RBM33: variants seen among roughly 807,000 people sequenced by gnomAD.
The protein encoded by RBM33 is RNA-binding protein 33.
In RBM33, 28 loss-of-function variants were observed where a neutral mutation model predicts 132.6. The ratio of observed to expected loss-of-function variants is 0.21; its 90% CI spans 0.16 to 0.29. RBM33 has a LOEUF of 0.29. Among genes scored for constraint, RBM33 ranks in the 10% least tolerant of loss-of-function variants. The pLI, the probability that RBM33 is intolerant of heterozygous loss-of-function variation, is 1.00. For missense variants in RBM33, 1,291 were observed against 1,518.5 expected (o/e 0.85, Z 2.49); for synonymous variants, 634 against 593.0 (o/e 1.07, Z -1.01).
intron 8 of RBM33, among the ~76,000 whole-genome samples, chr7:155,713,577 G>C (rs1800370246): frequency 6.6e-6 from 1 of 152,146 alleles, no homozygotes; most frequent in Admixed American, 6.5e-5. Flanking sequence ...GGCTGGCAGG[G>C]CTGCTGCCAA....
At chr7:155,742,633 G>T (rs1004446382) in intron 13 of RBM33, among the ~76,000 whole-genome samples, 1 of 152,212 alleles carries the variant, frequency 6.6e-6, no homozygotes, top group Non-Finnish European at 1.5e-5. Flanking sequence ...ACCTCTAGAA[G>T]ATAGGACCAA....
Position 155,737,487 on chromosome 7 carries a change from C to G in RBM33, c.1261-43C>G, listed in dbSNP as rs1801165690. 9.1e-6 allele frequency: 14 copies of G among 1,530,244 alleles called. No homozygotes were observed. In the East Asian group the frequency reaches 3.3e-4, roughly 36 times the overall value. 94.8% of individuals were successfully genotyped at this position (1,530,244 alleles called of 1,614,324 possible). On this transcript the variant is annotated intron_variant, in intron 9 of 17. Transcript: ENST00000401878. Reference sequence around the variant, plus strand: ...TTTCTAAAAATTACATACCATTTTTCTGTCCTTCACCCTGTTTCTCTGTTG... The same window carrying G: ...TTTCTAAAAATTACATACCATTTTTGTGTCCTTCACCCTGTTTCTCTGTTG...
At chr7:155,673,945 T>G (rs1437082679) in intron 3 of RBM33, among the ~76,000 whole-genome samples, 2,494 of 88,420 alleles carry the variant, frequency 0.028, 470 homozygotes, top group African/African-American at 0.063. Flanking sequence ...GCTTAGTTTT[T>G]TTTTTTTTTT....
chr7:155,731,356 C>T (rs907876989), intron 9 of RBM33, among the ~76,000 whole-genome samples: 1 of 152,072 alleles, frequency 6.6e-6, no homozygotes, highest in African/African-American at 2.4e-5. Context: ...TACATATATA[C>T]CTAGGATAAA....
chr7:155,729,742 CAAA>C (rs5888634), intron 9 of RBM33, among the ~76,000 whole-genome samples: 23,078 of 101,270 alleles, frequency 0.23, 1,773 homozygotes, highest in East Asian at 0.36. Context: ...GTCTCTTTAA[CAAA>C]AAAAAAAAAA....
At chr7:155,663,900 G>A (rs1798724619) in intron 1 of RBM33, among the ~76,000 whole-genome samples, 1 of 152,100 alleles carries the variant, frequency 6.6e-6, no homozygotes, top group Non-Finnish European at 1.5e-5. Flanking sequence ...TGTTTACTAG[G>A]AATAAAGATA....
intron 8 of RBM33, among the ~76,000 whole-genome samples, chr7:155,716,766 G>A (rs1800474943): frequency 6.6e-6 from 1 of 152,100 alleles, no homozygotes; most frequent in Non-Finnish European, 1.5e-5. Flanking sequence ...GTAGAATTGA[G>A]GGGAGAGTTG....
intron 13 of RBM33, among the ~76,000 whole-genome samples, chr7:155,743,292 C>G (rs1801409497): frequency 6.6e-6 from 1 of 152,180 alleles, no homozygotes; most frequent in African/African-American, 2.4e-5. Context: ...TGTATATAGC[C>G]AGCTCCTAAC....
intron 7 of RBM33, among the ~76,000 whole-genome samples, chr7:155,708,328 T>G (rs543881612): frequency 2.6e-5 from 4 of 152,196 alleles, no homozygotes; most frequent in Non-Finnish European, 5.9e-5. Context: ...ATTTACAGTT[T>G]GTCTTTTTTC....
At chr7:155,665,280 C>T in intron 2 of RBM33, 27 bp downstream of exon 2, 1 of 1,595,818 alleles carries the variant, frequency 6.3e-7, no homozygotes, top group Non-Finnish European at 8.6e-7. Context: ...CTTCACCTAA[C>T]TGCCTGTGCC....
At chr7:155,713,473 G>A (rs1045085997) in intron 8 of RBM33, among the ~76,000 whole-genome samples, 3 of 152,014 alleles carry the variant, frequency 2.0e-5, no homozygotes, top group African/African-American at 4.8e-5. Flanking sequence ...CCCGGCACTC[G>A]ACGTGGGAAT....
intron 14 of RBM33, among the ~76,000 whole-genome samples, chr7:155,748,277 A>G (rs529956976): frequency 1.3e-5 from 2 of 152,192 alleles, no homozygotes; most frequent in East Asian, 3.8e-4. Context: ...CTTTTTTCTA[A>G]TTTAACTAGT....
Position 155,707,087 on chromosome 7 carries a change from G to A in RBM33, c.948+19G>A. On this transcript the variant is annotated intron_variant, in intron 7 of 17. Coordinates refer to ENST00000401878, the MANE Select transcript of RBM33 (RefSeq NM_053043.3). ...TGTCGTGGTAACTTCAGATTTTCTT[G>A]TAGTAGCCCTAGAACTTCAGAACAA... 7 of 1,526,958 alleles carry A rather than the reference G, an allele frequency of 4.6e-6. No homozygotes were observed. In the South Asian group the frequency reaches 7.3e-5, roughly 16 times the overall value. The allele number at this position is 1,526,958 out of a possible 1,614,324, so 94.6% of individuals were successfully genotyped here.
At chr7:155,727,764 G>A (rs1006602752) in intron 9 of RBM33, among the ~76,000 whole-genome samples, 2 of 152,120 alleles carry the variant, frequency 1.3e-5, no homozygotes, top group South Asian at 2.1e-4. Context: ...AAAGGTAACC[G>A]CCCATCCCCG....
Position 155,680,791 on chromosome 7 carries a change from C to T in RBM33, c.450C>T (p.Gly150=), listed in dbSNP as rs1436895868. The T allele has an allele frequency of 6.2e-7, 1 of 1,613,684 alleles. No individual in the cohort carries two copies. Among genetic ancestry groups the T allele is most frequent in the African/African-American group, 1.3e-5 (1 of 75,016 alleles). ...ACCCAGAAGAAGGACAGTATGAAGG[C>T]CACGAAGCTGAGTTGACAGAAGACC... The part of the protein sequence containing the change: ...QEYPEEGQYE[G]HEAELTEDQI... Residue 150 remains glycine, a synonymous_variant, in exon 5 of 18, where the codon GGC becomes GGT. Transcript: ENST00000401878.
intron 5 of RBM33, among the ~76,000 whole-genome samples, chr7:155,695,653 G>T (rs1799771247): frequency 6.6e-6 from 1 of 152,088 alleles, no homozygotes; most frequent in Non-Finnish European, 1.5e-5. Flanking sequence ...TAGAGACAGG[G>T]TTTCACCACG....
chr7:155,731,331 C>G (rs920748229), intron 9 of RBM33, among the ~76,000 whole-genome samples: 3 of 152,132 alleles, frequency 2.0e-5, no homozygotes, highest in African/African-American at 7.2e-5. Flanking sequence ...CCAGTAGAGA[C>G]CATGGTTTTT....
chr7:155,743,222 C>T (rs1801407125), intron 13 of RBM33, among the ~76,000 whole-genome samples: 1 of 152,220 alleles, frequency 6.6e-6, no homozygotes, highest in South Asian at 2.1e-4. Flanking sequence ...TGTAGATTTA[C>T]AAACTGGATC....
chr7:155,655,318 T>C (rs113500479), intron 1 of RBM33, among the ~76,000 whole-genome samples: 4 of 152,322 alleles, frequency 2.6e-5, no homozygotes, highest in African/African-American at 9.6e-5. Flanking sequence ...ACTGTACTTT[T>C]ATTTGACCTC....
Sources: gnomAD v4.1 joint callset for allele counts (sites outside exome capture counted in the v4.1 genomes callset) on GRCh38, gnomAD v4.1.1 for gene constraint, MANE v1.5 for transcripts, NCBI Gene and HGNC (gene_info 2026-07-23, HGNC 2026-07-21) for gene names.